DNAH7: variants seen among roughly 807,000 people sequenced by gnomAD.
DNAH7 encodes the protein axonemal beta dynein heavy chain 7.
A neutral mutation model predicts 444.6 loss-of-function variants in DNAH7; 397 were observed. That is an observed-to-expected ratio of 0.89 (90% CI 0.82 to 0.97). DNAH7 has a LOEUF of 0.97. Among genes scored for constraint, DNAH7 ranks in the 50% least tolerant of loss-of-function variants. DNAH7 has a pLI of 0.00. For synonymous variants in DNAH7, 1,636 were observed against 1,624.4 expected (o/e 1.01, Z -0.17); for missense variants, 4,902 against 4,800.8 (o/e 1.02, Z -0.62).
intron 24 of DNAH7, among the ~76,000 whole-genome samples, chr2:195,913,679 A>G (rs1010048986): frequency 6.6e-6 from 1 of 151,948 alleles, no homozygotes. Flanking sequence ...ATCTCCTAAT[A>G]TAAGATCTCC....
Position 195,853,406 on chromosome 2 carries a change from C to T in DNAH7, c.8718G>A (p.Gly2906=). The change falls in exon 46 of 65, where the codon GGG becomes GGA. Residue 2906 remains glycine, a synonymous_variant. Transcript: ENST00000312428. ...ELGQLYINLT[G]DILISSGVVA... ...CCACTCCGGAGGAAATGAGGATATC[C>T]CCAGTCAAGTTGATGTACAGCTGAC... 1.2e-6 allele frequency: 2 copies of T among 1,613,998 alleles called. No individual in the cohort carries two copies. The highest frequency in any genetic ancestry group is 1.7e-5 in the Admixed American group (1 of 59,990).
At chr2:195,752,648 C>A (rs1360387071) in intron 63 of DNAH7, among the ~76,000 whole-genome samples, 1 of 152,016 alleles carries the variant, frequency 6.6e-6, no homozygotes, top group Non-Finnish European at 1.5e-5. Context: ...ATTAGGGGAA[C>A]CTAAACCAGC....
intron 19 of DNAH7, among the ~76,000 whole-genome samples, chr2:195,956,800 T>C (rs919169014): frequency 6.6e-6 from 1 of 152,226 alleles, no homozygotes; most frequent in Admixed American, 6.5e-5. Flanking sequence ...TTTATTTGCA[T>C]TTATTGGACT....
chr2:195,765,635 G>A (rs1559080803), intron 61 of DNAH7, among the ~76,000 whole-genome samples: 1 of 152,136 alleles, frequency 6.6e-6, no homozygotes, highest in Non-Finnish European at 1.5e-5. Flanking sequence ...GGTGCTCAAT[G>A]TCACTGATCA....
chr2:196,042,835 A>G (rs1696853340), intron 5 of DNAH7, among the ~76,000 whole-genome samples: 1 of 152,120 alleles, frequency 6.6e-6, no homozygotes, highest in Non-Finnish European at 1.5e-5. Flanking sequence ...TCTTCATTCT[A>G]CACTCAGCTA....
Position 195,891,742 on chromosome 2 carries a change from G to T in DNAH7, c.4959C>A (p.Gly1653=). The change falls in exon 31 of 65, where the codon GGC becomes GGA. Residue 1653 remains glycine (G), a synonymous_variant. Transcript: ENST00000312428. ...TVLNPKSVTM[G]QLYGQFDSVS... ...CTGAATCAAACTGTCCGTACAGTTG[G>T]CCCATGGTGACAGACTTAGGATTTA... is the stretch of plus-strand genomic sequence containing the variant. The T allele has an allele frequency of 6.2e-7, 1 of 1,609,084 alleles. No individual in the cohort carries two copies. Among genetic ancestry groups the T allele is most frequent in the Non-Finnish European group, 8.5e-7 (1 of 1,177,816 alleles).
intron 20 of DNAH7, 91 bp downstream of exon 20, chr2:195,936,508 C>A: frequency 2.6e-6 from 2 of 776,350 alleles, no homozygotes; most frequent in Non-Finnish European, 3.8e-6. Flanking sequence ...ATTATATAAA[C>A]ATGATTATAT....
At chr2:196,054,435 T>C (rs6742419) in intron 2 of DNAH7, among the ~76,000 whole-genome samples, 72,662 of 151,906 alleles carry the variant, frequency 0.48, 20,204 homozygotes, top group South Asian at 0.64. Flanking sequence ...GGAGGGAGGA[T>C]TGCTTGAGCA....
At chr2:196,012,571 C>A (rs1694785268) in intron 10 of DNAH7, among the ~76,000 whole-genome samples, 2 of 152,078 alleles carry the variant, frequency 1.3e-5, no homozygotes, top group South Asian at 4.1e-4. Context: ...AAAAAAGTAA[C>A]CAGTTGTCAT....
intron 1 of DNAH7, among the ~76,000 whole-genome samples, chr2:196,058,345 T>A (rs1042943435): frequency 3.9e-5 from 6 of 152,230 alleles, no homozygotes; most frequent in African/African-American, 1.2e-4. Flanking sequence ...GGATACAAGA[T>A]CAACACACAA....
chr2:195,976,004 CAA>C (rs964334206), intron 15 of DNAH7, among the ~76,000 whole-genome samples: 5 of 152,116 alleles, frequency 3.3e-5, no homozygotes, highest in Non-Finnish European at 7.4e-5. Context: ...TAGTGGCTAC[CAA>C]GAGAGACTCC....
chr2:195,896,079 T>C (rs1305734517), intron 29 of DNAH7, among the ~76,000 whole-genome samples: 1 of 152,250 alleles, frequency 6.6e-6, no homozygotes, highest in African/African-American at 2.4e-5. Context: ...TACTGAGACA[T>C]GGAATAACCT....
chr2:195,918,900 A>G (rs1164977766), intron 24 of DNAH7, among the ~76,000 whole-genome samples: 1 of 152,230 alleles, frequency 6.6e-6, no homozygotes, highest in East Asian at 1.9e-4. Context: ...TGTGGACTTT[A>G]GTTAACAGGC....
chr2:195,878,181 C>A (rs1470368073), intron 36 of DNAH7, among the ~76,000 whole-genome samples: 9 of 152,156 alleles, frequency 5.9e-5, no homozygotes. Flanking sequence ...AATATTATTT[C>A]ACTTAGCTTG....
At chr2:195,841,833 G>A (rs1402260806) in intron 47 of DNAH7, among the ~76,000 whole-genome samples, 1 of 151,944 alleles carries the variant, frequency 6.6e-6, no homozygotes, top group Admixed American at 6.6e-5. Context: ...TTTTGACAGT[G>A]TGTATTCTTT....
intron 4 of DNAH7, 98 bp downstream of exon 4, chr2:196,048,198 T>C (rs977723608): frequency 1.4e-4 from 144 of 1,054,048 alleles, no homozygotes; most frequent in Non-Finnish European, 1.8e-4. Context: ...ATTAATGTCA[T>C]TCAGGTTTTG....
At chr2:195,738,162 G>A in intron 64 of DNAH7, 35 bp from the exon 65 acceptor site, 1 of 1,576,670 alleles carries the variant, frequency 6.3e-7, no homozygotes, top group Non-Finnish European at 8.7e-7. Context: ...TTTAAGTCAA[G>A]GCTGTTTGTT....
At chr2:195,856,745 C>A (rs1428502790) in intron 44 of DNAH7, among the ~76,000 whole-genome samples, 1 of 152,130 alleles carries the variant, frequency 6.6e-6, no homozygotes, top group Non-Finnish European at 1.5e-5. Context: ...TCCAAGGACC[C>A]CTGGGGATCC....
At chr2:195,744,568 C>G (rs1481597890) in intron 63 of DNAH7, among the ~76,000 whole-genome samples, 1 of 152,192 alleles carries the variant, frequency 6.6e-6, no homozygotes, top group Non-Finnish European at 1.5e-5. Flanking sequence ...GGTCCCTGAC[C>G]CCTCACCCCC....
Sources: gnomAD v4.1 joint callset for allele counts (sites outside exome capture counted in the v4.1 genomes callset) on GRCh38, gnomAD v4.1.1 for gene constraint, MANE v1.5 for transcripts, NCBI Gene and HGNC (gene_info 2026-07-23, HGNC 2026-07-21) for gene names.